KIF18A: variants seen among roughly 807,000 people sequenced by gnomAD.
KIF18A encodes kinesin family member 18A, also known as kinesin-like protein KIF18A.
KIF18A carries 67 observed loss-of-function variants against 103.3 expected under a neutral mutation model. That is an observed-to-expected ratio of 0.65 (90% CI 0.53 to 0.79). The LOEUF (loss-of-function observed/expected upper bound fraction) is 0.79, where lower values mean the gene tolerates loss of function less well. KIF18A is among the 30% of genes least tolerant of loss of function. The pLI, the probability that KIF18A is intolerant of heterozygous loss-of-function variation, is 0.00. For synonymous variants in KIF18A, 367 were observed against 355.5 expected (o/e 1.03, Z -0.36); for missense variants, 1,032 against 1,062.5 (o/e 0.97, Z 0.40).
At chr11:28,072,201 T>A (rs1851025486) in intron 10 of KIF18A, among the ~76,000 whole-genome samples, 5 of 152,112 alleles carry the variant, frequency 3.3e-5, no homozygotes, top group Admixed American at 3.3e-4. Context: ...ATTAACAAAA[T>A]CCCCTGCACA....
intron 13 of KIF18A, among the ~76,000 whole-genome samples, chr11:28,050,464 T>C (rs1467112614): frequency 6.6e-6 from 1 of 151,896 alleles, no homozygotes; most frequent in African/African-American, 2.4e-5. Context: ...CAAATGAAAT[T>C]TCCTTGTATT....
rs754804972 is a variant in KIF18A, at chr11:28,090,731, G to C, written c.589-4C>G. 11 of 1,533,560 alleles carry C rather than the reference G, an allele frequency of 7.2e-6. No homozygotes were observed. The South Asian group carries it at 1.1e-4, about 16-fold the overall frequency. 95.0% of individuals were successfully genotyped at this position (1,533,560 alleles called of 1,614,324 possible). A position where few individuals can be genotyped will look rare whatever the true frequency, so the allele number is the denominator to read the frequency against. On this transcript the variant is annotated splice_polypyrimidine_tract_variant and splice_region_variant and intron_variant, in intron 4 of 16. Coordinates refer to ENST00000263181, the MANE Select transcript of KIF18A (RefSeq NM_031217.4). ...AAATTTCTTCTGAGGATTTGGGCTG[G>C]AGAAGTTTAAGTAGAAGCAAAATTT...
At chr11:28,050,144 A>T (rs538277691) in intron 13 of KIF18A, among the ~76,000 whole-genome samples, 1 of 151,970 alleles carries the variant, frequency 6.6e-6, no homozygotes, top group East Asian at 1.9e-4. Flanking sequence ...GAAATAGCAG[A>T]TATCATGTTT....
intron 13 of KIF18A, among the ~76,000 whole-genome samples, chr11:28,037,073 T>C (rs1024113213): frequency 5.3e-5 from 8 of 151,568 alleles, no homozygotes; most frequent in Non-Finnish European, 7.4e-5. Context: ...TGTAAAATAT[T>C]ACCAGTTTAT....
chr11:28,021,441 G>C (rs1488613130), intron 16 of KIF18A, among the ~76,000 whole-genome samples, 159 bp from the exon 17 acceptor site: 1 of 152,170 alleles, frequency 6.6e-6, no homozygotes, highest in Non-Finnish European at 1.5e-5. Flanking sequence ...ACAACAAAGA[G>C]ACATTAATAC....
intron 1 of KIF18A, among the ~76,000 whole-genome samples, chr11:28,098,763 A>G (rs1352314339): frequency 6.6e-6 from 1 of 152,198 alleles, no homozygotes; most frequent in Non-Finnish European, 1.5e-5. Context: ...TGCAAAGAAG[A>G]AAAGTAAAGT....
At chr11:28,058,260 A>G (rs1007154078) in intron 13 of KIF18A, among the ~76,000 whole-genome samples, 1 of 152,032 alleles carries the variant, frequency 6.6e-6, no homozygotes, top group Admixed American at 6.6e-5. Flanking sequence ...TTAAGAACAG[A>G]TTATTATCAT....
At chr11:28,095,628 T>A (rs1444497813) in intron 2 of KIF18A, among the ~76,000 whole-genome samples, 1 of 152,198 alleles carries the variant, frequency 6.6e-6, no homozygotes, top group Non-Finnish European at 1.5e-5. Flanking sequence ...AGATTCCTTT[T>A]TAAGTTTTTG....
At chr11:28,064,684 A>T (rs1356553264) in intron 11 of KIF18A, among the ~76,000 whole-genome samples, 1 of 152,034 alleles carries the variant, frequency 6.6e-6, no homozygotes, top group East Asian at 1.9e-4. Flanking sequence ...AAGAGACAAG[A>T]CTTGATTGTA....
chr11:28,062,355 T>C (rs1040415373), intron 12 of KIF18A, 40 bp downstream of exon 12: 7 of 1,540,280 alleles, frequency 4.5e-6, no homozygotes, highest in South Asian at 1.3e-5. Context: ...GCTTCAGATA[T>C]AGTGTTAAAA....
At chr11:28,083,086 T>A in intron 8 of KIF18A, 83 bp downstream of exon 8, 1 of 1,504,162 alleles carries the variant, frequency 6.6e-7, no homozygotes, top group Non-Finnish European at 8.9e-7. Context: ...GAAAAATATG[T>A]TAAATTTTTG....
rs1447265974 is a variant in KIF18A at position 28,025,320 on chromosome 11, T to C, written c.2505-1470A>G. Among the ~76,000 whole-genome samples the C allele has an allele frequency of 3.3e-5, 5 of 152,218 alleles. No individual in the cohort carries two copies. The East Asian group carries it at 9.6e-4, about 29-fold the overall frequency. On this transcript the variant is annotated intron_variant, in intron 15 of 16. Coordinates refer to ENST00000263181, the MANE Select transcript of KIF18A (RefSeq NM_031217.4). Reference sequence around the variant, plus strand: ...TCTGTTTTGCATATTAAACACACTTTTGTATATATCAGCTGTCCAAGGCAG... The same window carrying C: ...TCTGTTTTGCATATTAAACACACTTCTGTATATATCAGCTGTCCAAGGCAG...
chr11:28,066,483 T>C (rs907285178), intron 11 of KIF18A, among the ~76,000 whole-genome samples: 1 of 151,974 alleles, frequency 6.6e-6, no homozygotes, highest in Non-Finnish European at 1.5e-5. Flanking sequence ...AGCTAACTTA[T>C]ATTATAGTTT....
In KIF18A at chr11:28,036,590, G is replaced by C. The variant is rs773695088; in HGVS notation, c.2023C>G (p.Pro675Ala). The C allele has an allele frequency of 1.9e-6, 3 of 1,610,646 alleles. No homozygotes were observed. Among genetic ancestry groups the C allele is most frequent in the Non-Finnish European group, 2.5e-6 (3 of 1,177,902 alleles). The change falls in exon 14 of 17, where the codon CCC becomes GCC. Residue 675 changes from proline (P) to alanine (A), a missense_variant. By Grantham distance (27) the Pro-to-Ala change is conservative (BLOSUM62 -1). Transcript: ENST00000263181. The part of the protein sequence containing the change: ...KRTRRKLMPS[P>A]LKGQHTLKSP... Reference sequence around the variant, plus strand: ...TTTAGAGTATGCTGTCCTTTCAAGGGAGATGGCATTAGTTTTCTCCGAGTT... The same window carrying C: ...TTTAGAGTATGCTGTCCTTTCAAGGCAGATGGCATTAGTTTTCTCCGAGTT...
At chr11:28,080,503 A>G (rs995957455) in intron 9 of KIF18A, among the ~76,000 whole-genome samples, 14 of 152,090 alleles carry the variant, frequency 9.2e-5, no homozygotes, top group African/African-American at 3.4e-4. Context: ...CATATCTGTC[A>G]TGGTGATTTG....
At chr11:28,066,019 T>A (rs944890057) in intron 11 of KIF18A, among the ~76,000 whole-genome samples, 1 of 152,046 alleles carries the variant, frequency 6.6e-6, no homozygotes, top group East Asian at 1.9e-4. Flanking sequence ...GAGAAAATTT[T>A]TGCCAACTAT....
chr11:28,085,811 C>T lies in KIF18A; in HGVS notation c.898-1003G>A, dbSNP rs559926488. Among the ~76,000 whole-genome samples, 6 of 152,164 alleles carry T rather than the reference C, an allele frequency of 3.9e-5. No homozygotes were observed. The South Asian group carries it at 6.2e-4, about 16-fold the overall frequency. ...TATTACAATCTCTCGTCTCCGCACA[C>T]GGGGAGGACACCTGCCAAGTCCCGT... is the stretch of plus-strand genomic sequence containing the variant. On this transcript the variant is annotated intron_variant, in intron 6 of 16. Coordinates refer to ENST00000263181, the MANE Select transcript of KIF18A (RefSeq NM_031217.4).
In KIF18A at chr11:28,097,758, C is replaced by T; in HGVS notation, c.190G>A (p.Val64Ile). 1 of 1,611,686 alleles carries T rather than the reference C, an allele frequency of 6.2e-7. No individual in the cohort carries two copies. The highest frequency in any genetic ancestry group is 8.5e-7 in the Non-Finnish European group (1 of 1,178,356). ...AGATCCTTATTTTGTTTCTTTATAACATTTTGATTTGTAGTTTTCTTTCCA... is the reference window on the plus strand; with the variant it reads ...AGATCCTTATTTTGTTTCTTTATAATATTTTGATTTGTAGTTTTCTTTCCA... ...FHGKKTTNQN[V>I]IKKQNKDLKF... Residue 64 changes from valine to isoleucine, a missense_variant, in exon 2 of 17, where the codon GTT (valine) becomes ATT (isoleucine). Transcript: ENST00000263181.
At chr11:28,093,816 A>C (rs1030992647) in intron 3 of KIF18A, among the ~76,000 whole-genome samples, 1 of 152,214 alleles carries the variant, frequency 6.6e-6, no homozygotes, top group Non-Finnish European at 1.5e-5. Context: ...TAATTGATTC[A>C]GTCACCAATC....
Sources: gnomAD v4.1 joint callset for allele counts (sites outside exome capture counted in the v4.1 genomes callset) on GRCh38, gnomAD v4.1.1 for gene constraint, MANE v1.5 for transcripts, NCBI Gene and HGNC (gene_info 2026-07-23, HGNC 2026-07-21) for gene names.